The following FRMPD4 variants were observed in gnomAD, a reference collection of about 807,000 sequenced individuals.
FRMPD4 encodes FERM and PDZ domain-containing protein 4.
In FRMPD4, 22 loss-of-function variants were observed where a neutral mutation model predicts 94.1. The ratio of observed to expected loss-of-function variants is 0.23; its 90% CI spans 0.17 to 0.33. The LOEUF (loss-of-function observed/expected upper bound fraction) is 0.33. Ranked by LOEUF, FRMPD4 falls within the 10% of genes least tolerant of loss-of-function variation. FRMPD4 has a pLI of 1.00. For missense variants in FRMPD4, 1,111 were observed against 1,339.9 expected (o/e 0.83, Z 2.67); for synonymous variants, 631 against 548.6 (o/e 1.15, Z -2.10).
At chrX:12,265,755 C>G (rs1481059472) in intron 1 of FRMPD4, among the ~76,000 whole-genome samples, 3 of 109,498 alleles carry the variant, frequency 2.7e-5, no homozygotes, top group South Asian at 8.0e-4. Flanking sequence ...GTTAAGAACC[C>G]CCCCCCAAAA....
chrX:12,451,372 C>A (rs1461892342), intron 1 of FRMPD4, among the ~76,000 whole-genome samples: 1 of 111,829 alleles, frequency 8.9e-6, no homozygotes, highest in Non-Finnish European at 1.9e-5. Flanking sequence ...TGAAGAATCT[C>A]TTTTGGTCTT....
chrX:12,511,591 A>G (rs1289968627), intron 2 of FRMPD4, among the ~76,000 whole-genome samples: 5 of 111,773 alleles, frequency 4.5e-5, no homozygotes, highest in Non-Finnish European at 9.4e-5. Context: ...CATTATTAGA[A>G]GTAATCAAGT....
chrX:12,700,299 G>T (rs2060175913), intron 9 of FRMPD4, among the ~76,000 whole-genome samples: 1 of 111,988 alleles, frequency 8.9e-6, no homozygotes, highest in Admixed American at 9.4e-5. Flanking sequence ...GCAAGCCAAA[G>T]AATAAAGAAA....
chrX:12,233,270 A>G (rs979905245), intron 1 of FRMPD4, among the ~76,000 whole-genome samples: 4 of 112,146 alleles, frequency 3.6e-5, no homozygotes, highest in African/African-American at 1.3e-4. Context: ...AAAATATAGA[A>G]TGCCAAGTTA....
chrX:12,453,425 G>A (rs955197562), intron 1 of FRMPD4, among the ~76,000 whole-genome samples: 18 of 111,319 alleles, frequency 1.6e-4, no homozygotes, highest in African/African-American at 5.6e-4. Flanking sequence ...TTTACTTAAG[G>A]TATTTAATAG....
chrX:11,951,484 C>A (rs199644684), intron 3 of FRMPD4, among the ~76,000 whole-genome samples: 1 of 111,619 alleles, frequency 9.0e-6, no homozygotes, highest in Non-Finnish European at 1.9e-5. Flanking sequence ...AGCAAACTAA[C>A]GTGGGAACAG....
At position 12,216,886 on chromosome X, in the gene FRMPD4, G is replaced by C. The variant is rs891210571; in HGVS notation, c.41+77874G>C. Among the ~76,000 whole-genome samples the C allele has an allele frequency of 8.9e-5, 10 of 111,903 alleles. No homozygotes were observed. In the Admixed American group the frequency reaches 9.5e-4, roughly 11 times the overall value. ...TTTGCTTGCTTGTTCTTCTGAGCCAGAGTCAAACCTTAAAATCTGCAAGTG... is the reference window on the plus strand; with the variant it reads ...TTTGCTTGCTTGTTCTTCTGAGCCACAGTCAAACCTTAAAATCTGCAAGTG... On this transcript the variant is annotated intron_variant, in intron 1 of 16. Coordinates refer to ENST00000675598, the MANE Select transcript of FRMPD4 (RefSeq NM_001368397.1).
At chrX:12,511,700 G>C (rs1602050983) in intron 2 of FRMPD4, among the ~76,000 whole-genome samples, 1 of 111,493 alleles carries the variant, frequency 9.0e-6, no homozygotes. Context: ...GTCCCAGAAG[G>C]AAAAGAGAGG....
intron 3 of FRMPD4, among the ~76,000 whole-genome samples, chrX:12,042,200 C>G (rs1235982208): frequency 9.4e-6 from 1 of 106,424 alleles, no homozygotes; most frequent in East Asian, 3.0e-4. Context: ...CATTTAAAGT[C>G]ATTTTCTTTT....
At chrX:12,340,109 T>A (rs1441239862) in intron 1 of FRMPD4, among the ~76,000 whole-genome samples, 1 of 112,377 alleles carries the variant, frequency 8.9e-6, no homozygotes, top group Non-Finnish European at 1.9e-5. Context: ...TTCCCATTAG[T>A]GGCACTCAAG....
intron 3 of FRMPD4, among the ~76,000 whole-genome samples, chrX:12,062,268 C>T (rs2054891377): frequency 9.0e-6 from 1 of 111,588 alleles, no homozygotes; most frequent in Admixed American, 9.5e-5. Flanking sequence ...ACATACAAAT[C>T]CATTTCGCTG....
At chrX:12,284,733 A>G (rs760169336) in intron 1 of FRMPD4, among the ~76,000 whole-genome samples, 1 of 112,044 alleles carries the variant, frequency 8.9e-6, no homozygotes, top group East Asian at 2.8e-4. Flanking sequence ...TGCATCTGTC[A>G]GTGTTACATT....
intron 3 of FRMPD4, among the ~76,000 whole-genome samples, chrX:11,961,976 A>G (rs1394595467): frequency 8.9e-6 from 1 of 112,581 alleles, no homozygotes; most frequent in African/African-American, 3.2e-5. Flanking sequence ...ATAAAAAGAG[A>G]ATTCTAGGAA....
intron 1 of FRMPD4, among the ~76,000 whole-genome samples, chrX:12,176,624 CAA>C (rs2147659948): frequency 8.9e-6 from 1 of 112,126 alleles, no homozygotes; most frequent in South Asian, 3.7e-4. Context: ...TATTTTAGGA[CAA>C]TGATTAATAT....
At chrX:12,151,107 A>ACC (rs1234493370) in intron 1 of FRMPD4, among the ~76,000 whole-genome samples, 1 of 111,985 alleles carries the variant, frequency 8.9e-6, no homozygotes, top group Non-Finnish European at 1.9e-5. Context: ...AAATTAAAAT[A>ACC]TAGCACTACC....
intron 3 of FRMPD4, among the ~76,000 whole-genome samples, chrX:11,930,222 A>G (rs1468453723): frequency 9.1e-6 from 1 of 109,456 alleles, no homozygotes; most frequent in Admixed American, 9.9e-5. Context: ...TGGCCCAATC[A>G]CAGCCTGCAT....
At position 12,589,994 on chromosome X, in the gene FRMPD4, A is replaced by G. The variant is rs187820196; in HGVS notation, c.159-19727A>G. The stretch of plus-strand genomic sequence containing the variant: ...TAATTATCATATGAGACTATCTATA[A>G]TTAAATGATGAAATGTGGTTATGCT... On this transcript the variant is annotated intron_variant, in intron 2 of 16. Transcript: ENST00000675598. Among the ~76,000 whole-genome samples the G allele has an allele frequency of 8.6e-4, 97 of 112,356 alleles. 1 individual carries two copies. The highest frequency in any genetic ancestry group is 4.6e-3 in the Middle Eastern group (1 of 218).
intron 1 of FRMPD4, among the ~76,000 whole-genome samples, chrX:12,382,734 C>T (rs2056343131): frequency 9.0e-6 from 1 of 111,448 alleles, no homozygotes; most frequent in African/African-American, 3.3e-5. Flanking sequence ...GTGCCCACTG[C>T]CCAGCCCCAG....
intron 1 of FRMPD4, among the ~76,000 whole-genome samples, chrX:12,258,335 AT>A (rs767797754): frequency 8.2e-5 from 9 of 110,351 alleles, no homozygotes; most frequent in Admixed American, 3.9e-4. Context: ...TGGGTTAGTT[AT>A]TGCAGGAATG....
Sources: allele counts gnomAD v4.1 joint callset (sites outside exome capture counted in the v4.1 genomes callset), GRCh38; gene constraint gnomAD v4.1.1; transcripts MANE v1.5; gene names NCBI Gene and HGNC (gene_info 2026-07-23, HGNC 2026-07-21).